The following CTNNA2 variants were observed in gnomAD, a reference collection of about 807,000 sequenced individuals.
CTNNA2 encodes catenin alpha-2.
Under a neutral mutation model 101.0 loss-of-function variants are expected in CTNNA2, and 42 were observed. That is an observed-to-expected ratio of 0.42 (90% confidence interval 0.32 to 0.54). CTNNA2 has a LOEUF of 0.54. Ranked by LOEUF, CTNNA2 falls within the 20% of genes least tolerant of loss-of-function variation. The pLI is 0.14. For missense variants in CTNNA2, 871 were observed against 1,223.1 expected (o/e 0.71, Z 4.29); for synonymous variants, 450 against 456.4 (o/e 0.99, Z 0.18).
chr2:79,645,079 C>T (rs904076175), intron 1 of CTNNA2, among the ~76,000 whole-genome samples: 2 of 152,028 alleles, frequency 1.3e-5, no homozygotes, highest in African/African-American at 4.8e-5. Context: ...GCCTCCTGGG[C>T]TCAGGCCATC....
chr2:79,454,611 T>C (rs1321928598), intron 4 of CTNNA2, among the ~76,000 whole-genome samples: 1 of 152,202 alleles, frequency 6.6e-6, no homozygotes, highest in African/African-American at 2.4e-5. Flanking sequence ...TTTGGATCTC[T>C]CTTTCCAGTG....
intron 4 of CTNNA2, among the ~76,000 whole-genome samples, chr2:79,458,937 A>G (rs1464160724): frequency 6.6e-6 from 1 of 152,142 alleles, no homozygotes; most frequent in Non-Finnish European, 1.5e-5. Flanking sequence ...TGCTTGGATT[A>G]CAGCTAATTC....
chr2:80,636,720 C>T (rs1229636966), intron 18 of CTNNA2, among the ~76,000 whole-genome samples: 1 of 151,978 alleles, frequency 6.6e-6, no homozygotes, highest in Non-Finnish European at 1.5e-5. Flanking sequence ...TTTGATGCTT[C>T]CCAAATTACA....
chr2:80,380,539 G>T (rs1676425787), intron 7 of CTNNA2, among the ~76,000 whole-genome samples: 2 of 152,172 alleles, frequency 1.3e-5, no homozygotes, highest in East Asian at 1.9e-4. Context: ...AAGACTTTGT[G>T]TTGTCATAAG....
chr2:79,672,708 CTTTT>C (rs768344475), intron 2 of CTNNA2, among the ~76,000 whole-genome samples: 1 of 134,324 alleles, frequency 7.4e-6, no homozygotes, highest in Admixed American at 7.6e-5. Context: ...TTTCTTTTTT[CTTTT>C]TTTTTTTTTT....
At chr2:80,266,164 C>T (rs947510199) in intron 7 of CTNNA2, among the ~76,000 whole-genome samples, 3 of 152,304 alleles carry the variant, frequency 2.0e-5, no homozygotes, top group African/African-American at 7.2e-5. Flanking sequence ...AATTTCCCAC[C>T]TTAAGAGTAG....
chr2:79,226,963 TC>T lies in CTNNA2; in HGVS notation c.-406+28888del, dbSNP rs552166076. Among the ~76,000 whole-genome samples the T allele has an allele frequency of 6.9e-5, 9 of 130,540 alleles. No homozygotes were observed. In the South Asian group the frequency reaches 2.6e-3, roughly 37 times the overall value. The allele number at this position is 130,540 out of a possible 152,430, so 85.6% of individuals were successfully genotyped here. On this transcript the variant is annotated intron_variant, in intron 2 of 21. Transcript: ENST00000466387. ...CCATTCAGCTGCTCAGATGGAGAGC[TC>T]TGAGGGACTCTGGGACAAATTTCCT...
chr2:79,870,288 C>T (rs1012778742), intron 5 of CTNNA2, among the ~76,000 whole-genome samples: 1 of 152,106 alleles, frequency 6.6e-6, no homozygotes, highest in Non-Finnish European at 1.5e-5. Flanking sequence ...TGGATGTCAC[C>T]CTTTGCCCTC....
intron 9 of CTNNA2, among the ~76,000 whole-genome samples, chr2:80,461,966 T>C (rs1157494099): frequency 6.6e-6 from 1 of 152,204 alleles, no homozygotes; most frequent in Non-Finnish European, 1.5e-5. Context: ...CCCCTGGGGA[T>C]CTGCTTTGCA....
chr2:79,844,165 G>C (rs1680030883), intron 3 of CTNNA2, among the ~76,000 whole-genome samples: 1 of 152,056 alleles, frequency 6.6e-6, no homozygotes, highest in South Asian at 2.1e-4. Flanking sequence ...CACAGAATGG[G>C]GCTCCCTTTT....
chr2:79,222,079 C>T (rs1485748079), intron 2 of CTNNA2, among the ~76,000 whole-genome samples: 2 of 152,252 alleles, frequency 1.3e-5, no homozygotes, highest in African/African-American at 2.4e-5. Context: ...AGAGAGTTCT[C>T]AGAACTGGCT....
intron 2 of CTNNA2, among the ~76,000 whole-genome samples, chr2:79,292,481 C>G (rs1338367238): frequency 6.6e-6 from 1 of 152,162 alleles, no homozygotes; most frequent in Non-Finnish European, 1.5e-5. Context: ...GAATCATCAC[C>G]TAGGTAATCA....
At chr2:79,873,757 C>T (rs1193558281) in intron 5 of CTNNA2, among the ~76,000 whole-genome samples, 1 of 151,592 alleles carries the variant, frequency 6.6e-6, no homozygotes, top group African/African-American at 2.4e-5. Flanking sequence ...TTTTAACTAG[C>T]CTGGTGTGGA....
chr2:80,605,901 C>CT (rs1558637499), intron 16 of CTNNA2, among the ~76,000 whole-genome samples: 1 of 151,874 alleles, frequency 6.6e-6, no homozygotes, highest in African/African-American at 2.4e-5. Context: ...TAACCCATTG[C>CT]TATTGCCTAA....
intron 2 of CTNNA2, among the ~76,000 whole-genome samples, chr2:79,245,112 G>T (rs1674682623): frequency 6.7e-6 from 1 of 149,586 alleles, no homozygotes; most frequent in Non-Finnish European, 1.5e-5. Flanking sequence ...AAAAAAAAAA[G>T]GAAAGAAATC....
chr2:79,546,608 G>A (rs540520533), intron 1 of CTNNA2, among the ~76,000 whole-genome samples: 4 of 152,012 alleles, frequency 2.6e-5, no homozygotes, highest in Non-Finnish European at 4.4e-5. Flanking sequence ...TAATATAAAT[G>A]TGTTGTTCTT....
intron 4 of CTNNA2, among the ~76,000 whole-genome samples, chr2:79,496,296 A>T (rs1009777052): frequency 4.6e-5 from 7 of 152,110 alleles, no homozygotes; most frequent in African/African-American, 1.7e-4. Context: ...AACTTTTTAA[A>T]TTAGTTTTTG....
chr2:79,978,904 C>T (rs1691058689), intron 7 of CTNNA2, among the ~76,000 whole-genome samples: 1 of 152,166 alleles, frequency 6.6e-6, no homozygotes, highest in Non-Finnish European at 1.5e-5. Flanking sequence ...TCTATTTTAT[C>T]ATGCCCTCTT....
rs1434518788 is a variant in CTNNA2, at chr2:80,303,745, C to T, written c.1057-89466C>T. 2 of 1,595,126 alleles carry T rather than the reference C, an allele frequency of 1.3e-6. No individual in the cohort carries two copies. The highest frequency in any genetic ancestry group is 3.4e-5 in the Admixed American group (2 of 58,370). On this transcript the variant is annotated intron_variant, in intron 7 of 18. Coordinates refer to ENST00000402739, the MANE Select transcript of CTNNA2 (RefSeq NM_001282597.3). This position sits in a 1 kb window ranked among gnomAD's most constrained non-coding sequence, Gnocchi z 7.7. ...CGGGCAGCATCTGAAAGCAGGCCCC[C>T]AGCAGACACAAGACCACCCCCGAGG...
Sources: allele counts gnomAD v4.1 joint callset (sites outside exome capture counted in the v4.1 genomes callset), GRCh38; gene constraint gnomAD v4.1.1; non-coding constraint Gnocchi (gnomAD v3.1); transcripts MANE v1.5; gene names NCBI Gene and HGNC (gene_info 2026-07-23, HGNC 2026-07-21).